The following KCNJ6 variants were observed in gnomAD, a reference collection of about 807,000 sequenced individuals.
KCNJ6 encodes the protein potassium inwardly rectifying channel subfamily J member 6.
Under a neutral mutation model 34.2 loss-of-function variants are expected in KCNJ6, and 9 were observed. That is an observed-to-expected ratio of 0.26 (90% CI 0.16 to 0.46). The LOEUF (loss-of-function observed/expected upper bound fraction) is 0.46. Ranked by LOEUF, KCNJ6 falls within the 20% of genes least tolerant of loss-of-function variation. The probability of loss-of-function intolerance (pLI) is 1.00; values close to 1 mark genes in which losing one functional copy is unlikely to be tolerated. For missense variants in KCNJ6, 236 were observed against 531.3 expected (o/e 0.44, Z 5.46); for synonymous variants, 196 against 207.1 (o/e 0.95, Z 0.46).
At chr21:37,735,410 C>T (rs892649613) in intron 2 of KCNJ6, among the ~76,000 whole-genome samples, 1 of 152,172 alleles carries the variant, frequency 6.6e-6, no homozygotes, top group Non-Finnish European at 1.5e-5. Flanking sequence ...ATTCCATATT[C>T]GAGTGCGGTG....
chr21:37,791,336 C>T (rs972102389), intron 2 of KCNJ6, among the ~76,000 whole-genome samples: 5 of 152,214 alleles, frequency 3.3e-5, no homozygotes, highest in Non-Finnish European at 7.3e-5. Flanking sequence ...ACCAGATTCA[C>T]CCTGAGGAAA....
At chr21:37,656,061 G>A (rs531916425) in intron 3 of KCNJ6, among the ~76,000 whole-genome samples, 4 of 152,290 alleles carry the variant, frequency 2.6e-5, no homozygotes, top group East Asian at 3.9e-4. Flanking sequence ...GCTGCCAGAC[G>A]TGGCATGCAC....
intron 3 of KCNJ6, among the ~76,000 whole-genome samples, chr21:37,699,961 C>T (rs1165252890): frequency 2.0e-5 from 3 of 152,136 alleles, no homozygotes; most frequent in Non-Finnish European, 2.9e-5. Flanking sequence ...GATTACATAG[C>T]GTCCGGTGGA....
chr21:37,607,483 T>TATATATATATATATA lies in KCNJ6; in HGVS notation c.*17675_*17676insTATATATATATATAT, dbSNP rs201127739. On this transcript the variant is annotated 3_prime_UTR_variant, in exon 4 of 4. Transcript: ENST00000609713. ...TTAAAGATATATATATATATATATATTTTTTTTTTATTTTAAAAAAATTTG... is the reference window on the plus strand; with the variant it reads ...TTAAAGATATATATATATATATATATATATATATATATATATTTTTTTTTATTTTAAAAAAATTTG... 3.3e-3 allele frequency: 303 copies of TATATATATATATATA among 92,064 alleles called. No individual in the cohort carries two copies. The highest frequency in any genetic ancestry group is 0.011 in the African/African-American group (244 of 23,232). The allele number at this position is 92,064 out of a possible 1,614,324, so 5.7% of individuals were successfully genotyped here.
intron 3 of KCNJ6, among the ~76,000 whole-genome samples, chr21:37,711,805 C>CCT (rs1349359246): frequency 6.6e-6 from 1 of 151,340 alleles, no homozygotes; most frequent in African/African-American, 2.4e-5. Context: ...GAACCCCCCC[C>CCT]CCAAGTCTAG....
chr21:37,846,960 T>C (rs562766246), intron 1 of KCNJ6, among the ~76,000 whole-genome samples: 1 of 152,208 alleles, frequency 6.6e-6, no homozygotes, highest in South Asian at 2.1e-4. Flanking sequence ...TGCCACATCC[T>C]CAGATAGCCA....
At chr21:37,859,487 T>TTATATATATA (rs55859652) in intron 1 of KCNJ6, among the ~76,000 whole-genome samples, 180 of 84,206 alleles carry the variant, frequency 2.1e-3, no homozygotes, top group South Asian at 4.2e-3. Context: ...TTATATTACT[T>TTATATATATA]TATATATATA....
chr21:37,914,866 C>T (rs1009262187), intron 1 of KCNJ6, among the ~76,000 whole-genome samples: 14 of 151,892 alleles, frequency 9.2e-5, no homozygotes, highest in South Asian at 2.1e-4. Context: ...AGTTGGGAAA[C>T]ACTCTAAACA....
At chr21:37,629,384 G>A (rs1339252568) in intron 3 of KCNJ6, among the ~76,000 whole-genome samples, 1 of 152,028 alleles carries the variant, frequency 6.6e-6, no homozygotes, top group Non-Finnish European at 1.5e-5. Flanking sequence ...GTACTATTAT[G>A]GGCTGAATTG....
intron 3 of KCNJ6, among the ~76,000 whole-genome samples, chr21:37,676,929 C>A (rs973319450): frequency 2.0e-5 from 3 of 152,214 alleles, no homozygotes; most frequent in African/African-American, 7.2e-5. Context: ...AGCTCTATGT[C>A]CCCTTCCCCA....
intron 3 of KCNJ6, among the ~76,000 whole-genome samples, chr21:37,677,179 C>A (rs1171154646): frequency 6.6e-6 from 1 of 152,224 alleles, no homozygotes; most frequent in Non-Finnish European, 1.5e-5. Flanking sequence ...TTGAGACAAG[C>A]TCCAGCTAGT....
intron 1 of KCNJ6, among the ~76,000 whole-genome samples, chr21:37,867,162 A>T (rs562488390): frequency 6.6e-6 from 1 of 152,318 alleles, no homozygotes; most frequent in Non-Finnish European, 1.5e-5. Flanking sequence ...TTCCTTATTA[A>T]TTAATAAGTG....
At chr21:37,888,715 A>T (rs1172791055) in intron 1 of KCNJ6, among the ~76,000 whole-genome samples, 1 of 152,088 alleles carries the variant, frequency 6.6e-6, no homozygotes, top group Non-Finnish European at 1.5e-5. Context: ...GGGGATCACA[A>T]CGCAGAAGAG....
intron 2 of KCNJ6, among the ~76,000 whole-genome samples, chr21:37,838,089 C>T (rs1000006159): frequency 6.6e-6 from 1 of 152,294 alleles, no homozygotes; most frequent in Admixed American, 6.5e-5. Context: ...TTTATGCAAT[C>T]TTTTTCATAA....
intron 2 of KCNJ6, among the ~76,000 whole-genome samples, chr21:37,799,037 C>G (rs1368210544): frequency 6.6e-6 from 1 of 152,040 alleles, no homozygotes. Context: ...AACATAGTAC[C>G]TATTGGTTAT....
At chr21:37,628,590 G>T (rs2054320870) in intron 3 of KCNJ6, among the ~76,000 whole-genome samples, 1 of 152,104 alleles carries the variant, frequency 6.6e-6, no homozygotes, top group African/African-American at 2.4e-5. Flanking sequence ...TCCAGAAGGA[G>T]AGTATAAAGA....
At chr21:37,775,690 G>A (rs2055138723) in intron 2 of KCNJ6, among the ~76,000 whole-genome samples, 1 of 152,072 alleles carries the variant, frequency 6.6e-6, no homozygotes, top group Non-Finnish European at 1.5e-5. Flanking sequence ...TGAGGGCTCT[G>A]TTCTGTTCCG....
intron 2 of KCNJ6, among the ~76,000 whole-genome samples, chr21:37,768,990 G>T (rs1254343043): frequency 6.6e-6 from 1 of 152,226 alleles, no homozygotes; most frequent in Non-Finnish European, 1.5e-5. Flanking sequence ...CAACTTTGAT[G>T]AATCAGCCTG....
At chr21:37,761,419 GTGTGTGT>G in intron 2 of KCNJ6, among the ~76,000 whole-genome samples, 1 of 151,064 alleles carries the variant, frequency 6.6e-6, no homozygotes, top group East Asian at 1.9e-4. Context: ...TGTATGTGGT[GTGTGTGT>G]TGTGTTGTGT....
Sources: gnomAD v4.1 joint callset for allele counts (sites outside exome capture counted in the v4.1 genomes callset) on GRCh38, gnomAD v4.1.1 for gene constraint, MANE v1.5 for transcripts, NCBI Gene and HGNC (gene_info 2026-07-23, HGNC 2026-07-21) for gene names.